Variants in NEGR1 observed in about 807,000 individuals in gnomAD.
NEGR1 encodes the protein IgLON family member 4.
A neutral mutation model predicts 40.9 loss-of-function variants in NEGR1; 10 were observed. That is an observed-to-expected ratio of 0.24 (90% CI 0.15 to 0.42). NEGR1 has a LOEUF of 0.42. Among genes scored for constraint, NEGR1 ranks in the 10% least tolerant of loss-of-function variants. The pLI is 1.00. For synonymous variants in NEGR1, 185 were observed against 166.8 expected, an observed-to-expected ratio of 1.11 and a Z score of -0.84; for missense variants, 352 against 438.9, an observed-to-expected ratio of 0.80 and a Z score of 1.77.
intron 1 of NEGR1, among the ~76,000 whole-genome samples, chr1:72,263,459 A>G (rs1620977): frequency 0.79 from 120,124 of 151,344 alleles, 48,542 homozygotes; most frequent in African/African-American, 0.95. Flanking sequence ...ATCATTTGGA[A>G]AAATGTTCAT....
chr1:71,756,665 G>T (rs763201235), intron 3 of NEGR1, among the ~76,000 whole-genome samples: 1 of 151,938 alleles, frequency 6.6e-6, no homozygotes, highest in Admixed American at 6.5e-5. Flanking sequence ...ATTTGCTCCT[G>T]TCTCCATTCC....
At chr1:71,960,664 C>G (rs1646157496) in intron 1 of NEGR1, among the ~76,000 whole-genome samples, 1 of 152,080 alleles carries the variant, frequency 6.6e-6, no homozygotes, top group Non-Finnish European at 1.5e-5. Flanking sequence ...CCAGCATTCC[C>G]ATGAACATTA....
intron 2 of NEGR1, among the ~76,000 whole-genome samples, chr1:71,925,455 G>T (rs1645763648): frequency 6.6e-6 from 1 of 152,170 alleles, no homozygotes; most frequent in Admixed American, 6.5e-5. Context: ...AGAGATATTG[G>T]AACATAGCCT....
chr1:72,075,733 C>T (rs2100517870), intron 1 of NEGR1, among the ~76,000 whole-genome samples: 1 of 152,246 alleles, frequency 6.6e-6, no homozygotes, highest in Middle Eastern at 3.4e-3. Context: ...TGTCAACATG[C>T]TGGAAAGTGG....
chr1:71,705,902 G>A (rs1269647783), intron 3 of NEGR1, among the ~76,000 whole-genome samples: 1 of 151,866 alleles, frequency 6.6e-6, no homozygotes, highest in East Asian at 1.9e-4. Flanking sequence ...GAGCCAGAAG[G>A]CAAGAGCAGA....
At chr1:71,655,191 G>A (rs780684497) in intron 4 of NEGR1, among the ~76,000 whole-genome samples, 2 of 152,072 alleles carry the variant, frequency 1.3e-5, no homozygotes, top group Non-Finnish European at 2.9e-5. Flanking sequence ...TAATTGCTGT[G>A]GAGGAAGGTC....
Position 72,178,657 on chromosome 1 carries a change from G to A in NEGR1, c.176+103662C>T, listed in dbSNP as rs1652257352. On this transcript the variant is annotated intron_variant, in intron 1 of 6. Transcript: ENST00000357731. The stretch of plus-strand genomic sequence containing the variant: ...TTACATTCCCACCAGCAGTGTATAA[G>A]CGTTCCCTTTTCTGCAACCTTGCCA... Among the ~76,000 whole-genome samples, 3 of 151,070 alleles carry A rather than the reference G, an allele frequency of 2.0e-5. No homozygotes were observed. The South Asian group carries it at 6.3e-4, about 32-fold the overall frequency.
intron 1 of NEGR1, among the ~76,000 whole-genome samples, chr1:72,015,549 A>G (rs1646701873): frequency 6.6e-6 from 1 of 152,170 alleles, no homozygotes; most frequent in Admixed American, 6.5e-5. Context: ...TAAGACCTAT[A>G]ATCCCAGCAC....
In NEGR1 at chr1:71,430,686, A is replaced by T. The variant is rs548016654; in HGVS notation, c.941-23116T>A. On this transcript the variant is annotated intron_variant, in intron 6 of 6. Transcript: ENST00000357731. ...AAAAAAAAGTTGTGACTCTCCATAT[A>T]AGAATTAAAAAAAGGCCTTTTTTTT... Among the ~76,000 whole-genome samples the T allele has an allele frequency of 9.6e-5, 14 of 146,364 alleles. No homozygotes were observed. The East Asian group carries it at 2.7e-3, about 28-fold the overall frequency.
intron 1 of NEGR1, among the ~76,000 whole-genome samples, chr1:72,182,981 A>G (rs1277591292): frequency 6.6e-6 from 1 of 152,082 alleles, no homozygotes; most frequent in East Asian, 1.9e-4. Flanking sequence ...GGGTGACATG[A>G]AGAAGTCATT....
chr1:72,169,426 C>G (rs2100391323), intron 1 of NEGR1, among the ~76,000 whole-genome samples: 1 of 152,202 alleles, frequency 6.6e-6, no homozygotes, highest in South Asian at 2.1e-4. Context: ...CTATATTGCT[C>G]TATAGCATTT....
At chr1:72,078,257 G>GA (rs1166294053) in intron 1 of NEGR1, among the ~76,000 whole-genome samples, 2 of 152,076 alleles carry the variant, frequency 1.3e-5, no homozygotes, top group African/African-American at 4.8e-5. Context: ...CATCAAACCA[G>GA]AAAAAGCAGC....
rs567642529 is a variant in NEGR1 at position 72,015,895 on chromosome 1, A to AT, written c.177-80585_177-80584insA. On this transcript the variant is annotated intron_variant, in intron 1 of 6. Transcript: ENST00000357731. ...ATAATCTCAAAGTATATCAGAATAA[A>AT]AACAGGCCACTAAAGATACCTAATC... 7.6e-4 allele frequency among the ~76,000 whole-genome samples: 116 copies of AT among 152,246 alleles called. 1 individual carries two copies. The highest frequency in any genetic ancestry group is 6.2e-3 in the South Asian group (30 of 4,818).
intron 1 of NEGR1, among the ~76,000 whole-genome samples, chr1:72,242,516 T>G (rs1654778910): frequency 6.6e-6 from 1 of 151,678 alleles, no homozygotes; most frequent in Admixed American, 6.6e-5. Context: ...CTATGCTAGA[T>G]AAGAGCTTTC....
chr1:72,231,620 C>T (rs1446673158), intron 1 of NEGR1, among the ~76,000 whole-genome samples: 1 of 152,032 alleles, frequency 6.6e-6, no homozygotes, highest in African/African-American at 2.4e-5. Context: ...CATTATTTTT[C>T]CCCAATGACT....
At chr1:72,191,649 T>A (rs1435194900) in intron 1 of NEGR1, among the ~76,000 whole-genome samples, 1 of 151,888 alleles carries the variant, frequency 6.6e-6, no homozygotes, top group African/African-American at 2.4e-5. Flanking sequence ...CATTTACCCT[T>A]ACCAAATTCA....
Position 72,236,664 on chromosome 1 carries a change from A to G in NEGR1, c.176+45655T>C, listed in dbSNP as rs528160076. On this transcript the variant is annotated intron_variant, in intron 1 of 6. Coordinates refer to ENST00000357731, the MANE Select transcript of NEGR1 (RefSeq NM_173808.3). ...ACTTTCCATTCTGTAAAAGAGGAAT[A>G]ACTGGAATAAAGGGCATTAACACCT... 8.5e-5 allele frequency among the ~76,000 whole-genome samples: 13 copies of G among 152,120 alleles called. No homozygotes were observed. In the South Asian group the frequency reaches 2.7e-3, roughly 32 times the overall value.
chr1:72,135,410 A>C (rs1465886209), intron 1 of NEGR1, among the ~76,000 whole-genome samples: 2 of 114,548 alleles, frequency 1.7e-5, no homozygotes, highest in African/African-American at 6.4e-5. Flanking sequence ...AAAACAAAAA[A>C]AAAAACAAAA....
intron 3 of NEGR1, among the ~76,000 whole-genome samples, chr1:71,727,895 C>G (rs1315489133): frequency 6.6e-6 from 1 of 152,010 alleles, no homozygotes; most frequent in Non-Finnish European, 1.5e-5. Context: ...CAGTGGGGTG[C>G]GAAGCCTTGT....
Sources: gnomAD v4.1 joint callset for allele counts (sites outside exome capture counted in the v4.1 genomes callset) on GRCh38, gnomAD v4.1.1 for gene constraint, MANE v1.5 for transcripts, NCBI Gene and HGNC (gene_info 2026-07-23, HGNC 2026-07-21) for gene names.